WDPCP: variants seen among roughly 807,000 people sequenced by gnomAD.
The protein encoded by WDPCP is WD repeat-containing and planar cell polarity effector protein fritz homolog.
WDPCP carries 71 observed loss-of-function variants against 93.1 expected under a neutral mutation model. The observed-to-expected ratio is 0.76, with a 90% CI of 0.63 to 0.93. The LOEUF (loss-of-function observed/expected upper bound fraction) is 0.93. WDPCP is among the 40% of genes least tolerant of loss of function. The probability of loss-of-function intolerance (pLI) is 0.00; values close to 1 mark genes in which losing one functional copy is unlikely to be tolerated. For missense variants in WDPCP, 844 were observed against 887.4 expected, an observed-to-expected ratio of 0.95 and a Z score of 0.62; for synonymous variants, 315 against 315.0, an observed-to-expected ratio of 1.00 and a Z score of 0.00.
At chr2:63,459,932 A>G (rs1250336445) in intron 6 of WDPCP, among the ~76,000 whole-genome samples, 1 of 152,084 alleles carries the variant, frequency 6.6e-6, no homozygotes, top group Non-Finnish European at 1.5e-5. Context: ...AAGAAGAAAA[A>G]CAAAACAAAA....
At chr2:63,272,146 C>A (rs775999952) in intron 13 of WDPCP, among the ~76,000 whole-genome samples, 29 of 152,166 alleles carry the variant, frequency 1.9e-4, no homozygotes, top group Admixed American at 7.2e-4. Context: ...TGAAGACCAG[C>A]CCTCCTGACA....
At chr2:63,173,354 T>A (rs1388511225) in intron 15 of WDPCP, among the ~76,000 whole-genome samples, 1 of 152,190 alleles carries the variant, frequency 6.6e-6, no homozygotes, top group Non-Finnish European at 1.5e-5. Flanking sequence ...CCTGTTGAAT[T>A]TTTGGCTAGT....
chr2:63,257,886 C>T (rs1267093266), intron 14 of WDPCP, among the ~76,000 whole-genome samples: 3 of 152,120 alleles, frequency 2.0e-5, no homozygotes, highest in Admixed American at 1.3e-4. Context: ...AGGCAGGGTA[C>T]AGGACAACTA....
At chr2:63,306,617 A>G (rs1685764663) in intron 13 of WDPCP, among the ~76,000 whole-genome samples, 1 of 152,242 alleles carries the variant, frequency 6.6e-6, no homozygotes, top group Non-Finnish European at 1.5e-5. Flanking sequence ...AATCCATCAC[A>G]TAAACAGAAC....
chr2:63,710,742 G>A (rs548378574), intron 2 of WDPCP, among the ~76,000 whole-genome samples: 15 of 152,300 alleles, frequency 9.8e-5, no homozygotes, highest in African/African-American at 2.6e-4. Flanking sequence ...ATGGTTGGGT[G>A]GAAGTAGGCT....
chr2:63,145,164 G>A (rs374708552), intron 17 of WDPCP, among the ~76,000 whole-genome samples: 1 of 152,108 alleles, frequency 6.6e-6, no homozygotes, highest in Non-Finnish European at 1.5e-5. Flanking sequence ...GAGATGGCAG[G>A]GCTGTGTGAT....
intron 17 of WDPCP, among the ~76,000 whole-genome samples, chr2:63,124,324 G>C (rs1411473086): frequency 6.6e-6 from 1 of 151,546 alleles, no homozygotes; most frequent in African/African-American, 2.4e-5. Context: ...TGTTGAAATT[G>C]TGCTCAGCCT....
chr2:63,214,737 C>G (rs1677165318), intron 14 of WDPCP, among the ~76,000 whole-genome samples: 1 of 152,036 alleles, frequency 6.6e-6, no homozygotes, highest in African/African-American at 2.4e-5. Context: ...TCATCTCAGC[C>G]GAATATCTCC....
chr2:63,435,573 G>A (rs1353703767), intron 8 of WDPCP, among the ~76,000 whole-genome samples: 1 of 152,090 alleles, frequency 6.6e-6, no homozygotes, highest in African/African-American at 2.4e-5. Flanking sequence ...GAGTCACAAT[G>A]AGTGACTGAC....
chr2:63,519,237 T>G lies in WDPCP; in HGVS notation c.76-26297A>C, dbSNP rs1165702210. On this transcript the variant is annotated intron_variant, in intron 1 of 17. Transcript: ENST00000272321. The stretch of plus-strand genomic sequence containing the variant: ...CTGTAAACCTGCGCACAGAGACCAG[T>G]AGCCCTGCCCTCTGCCCTGCAGAGC... 9 of 152,300 alleles carry G rather than the reference T, an allele frequency of 5.9e-5. No individual in the cohort carries two copies. The East Asian group carries it at 1.7e-3, about 30-fold the overall frequency. 9.4% of individuals were successfully genotyped at this position (152,300 alleles called of 1,614,324 possible). A position where few individuals can be genotyped will look rare whatever the true frequency, so the allele number is the denominator to read the frequency against.
chr2:63,805,717 C>T (rs905526348), intron 2 of WDPCP, among the ~76,000 whole-genome samples: 6 of 152,158 alleles, frequency 3.9e-5, no homozygotes, highest in African/African-American at 1.4e-4. Context: ...TAAAATCCTC[C>T]ATTTCATTTC....
intron 7 of WDPCP, 147 bp from the exon 8 acceptor site, chr2:63,437,701 AT>A (rs1697231081): frequency 3.9e-6 from 4 of 1,027,030 alleles, no homozygotes; most frequent in Non-Finnish European, 5.5e-6. Context: ...TTTTATAAAA[AT>A]ATTAAAGATA....
chr2:63,589,030 C>A, upstream of WDPCP: 1 of 1,614,216 alleles, frequency 6.2e-7, no homozygotes, highest in South Asian at 1.1e-5. Flanking sequence ...AAATTGTCCC[C>A]GCAGTTTTCA....
intron 17 of WDPCP, among the ~76,000 whole-genome samples, chr2:63,123,952 CT>C (rs1337066646): frequency 6.7e-6 from 1 of 149,324 alleles, no homozygotes; most frequent in Non-Finnish European, 1.5e-5. Context: ...TTTAATGTTC[CT>C]ACATAGTCTG....
rs755128980 is a variant in WDPCP at position 63,604,891 on chromosome 2, C to G, written n.488+45768G>C. On this transcript the variant is annotated intron_variant and non_coding_transcript_variant, in intron 3 of 4. Coordinates refer to the WDPCP transcript ENST00000467687. ...TGTCACGGTAAGAAAAATCTGTGAG[C>G]CTTCTTAACACTGAGCGTAAAGAAC... 6.8e-6 allele frequency: 11 copies of G among 1,612,576 alleles called. No homozygotes were observed. The Admixed American group carries it at 1.2e-4, about 17-fold the overall frequency.
intron 2 of WDPCP, among the ~76,000 whole-genome samples, chr2:63,723,232 T>C (rs1377747170): frequency 1.3e-5 from 2 of 149,376 alleles, no homozygotes; most frequent in African/African-American, 5.0e-5. Flanking sequence ...ACTATTGTCC[T>C]ATGACCCTGC....
At chr2:63,190,285 T>C (rs543634937) in intron 14 of WDPCP, among the ~76,000 whole-genome samples, 1 of 151,496 alleles carries the variant, frequency 6.6e-6, no homozygotes, top group East Asian at 2.0e-4. Context: ...ATACAAAAAC[T>C]AGCCAAGCAT....
intron 13 of WDPCP, among the ~76,000 whole-genome samples, chr2:63,308,356 C>T (rs1685912195): frequency 6.6e-6 from 1 of 152,170 alleles, no homozygotes; most frequent in African/African-American, 2.4e-5. Flanking sequence ...GGATGTAGAA[C>T]TAGAAATAAC....
intron 13 of WDPCP, among the ~76,000 whole-genome samples, chr2:63,303,468 G>A (rs1360155608): frequency 6.6e-6 from 1 of 152,250 alleles, no homozygotes; most frequent in East Asian, 1.9e-4. Context: ...CTGGACCCTG[G>A]ACTTTGCATT....
Sources: allele counts gnomAD v4.1 joint callset (sites outside exome capture counted in the v4.1 genomes callset), GRCh38; gene constraint gnomAD v4.1.1; transcripts MANE v1.5; gene names NCBI Gene and HGNC (gene_info 2026-07-23, HGNC 2026-07-21).